The following GBE1 variants were observed in gnomAD, a reference collection of about 807,000 sequenced individuals.
GBE1 encodes 1,4-alpha-glucan-branching enzyme.
Under a neutral mutation model 88.8 loss-of-function variants are expected in GBE1, and 70 were observed. That is an observed-to-expected ratio of 0.79 (90% CI 0.65 to 0.96). The LOEUF (loss-of-function observed/expected upper bound fraction) is 0.96, where lower values mean the gene tolerates loss of function less well. Among genes scored for constraint, GBE1 ranks in the 40% least tolerant of loss-of-function variants. GBE1 has a pLI of 0.00. For synonymous variants in GBE1, 284 were observed against 300.1 expected (o/e 0.95, Z 0.56); for missense variants, 872 against 871.0 (o/e 1.00, Z -0.01).
intron 3 of GBE1, among the ~76,000 whole-genome samples, chr3:81,667,917 T>G (rs1705136190): frequency 6.6e-6 from 1 of 152,176 alleles, no homozygotes; most frequent in Non-Finnish European, 1.5e-5. Flanking sequence ...AGACACATGG[T>G]CATATATGTT....
At chr3:81,568,700 T>A (rs1703530799) in intron 12 of GBE1, among the ~76,000 whole-genome samples, 1 of 152,198 alleles carries the variant, frequency 6.6e-6, no homozygotes, top group South Asian at 2.1e-4. Context: ...TAAGGATTGT[T>A]CTTAAAAGGT....
At chr3:81,513,521 G>A (rs1393193028) in intron 14 of GBE1, among the ~76,000 whole-genome samples, 1 of 150,510 alleles carries the variant, frequency 6.6e-6, no homozygotes, top group Non-Finnish European at 1.5e-5. Flanking sequence ...ATATATCCTC[G>A]TTTTGTCTTC....
intron 12 of GBE1, among the ~76,000 whole-genome samples, chr3:81,541,145 G>C (rs2372908): frequency 0.66 from 100,034 of 151,728 alleles, 34,977 homozygotes; most frequent in East Asian, 0.92. Flanking sequence ...TTTGCTTGCT[G>C]TTAGTATCTT....
chr3:81,587,368 C>T (rs1465412360), intron 9 of GBE1, among the ~76,000 whole-genome samples: 1 of 152,122 alleles, frequency 6.6e-6, no homozygotes, highest in African/African-American at 2.4e-5. Flanking sequence ...ACCACAACCA[C>T]AATCTTATTT....
At chr3:81,684,864 G>A (rs192074099) in intron 2 of GBE1, among the ~76,000 whole-genome samples, 15 of 152,266 alleles carry the variant, frequency 9.9e-5, no homozygotes, top group African/African-American at 3.4e-4. Flanking sequence ...TGTGAAAACA[G>A]AGGATCCCCT....
intron 7 of GBE1, among the ~76,000 whole-genome samples, chr3:81,618,218 C>G (rs1272900552): frequency 6.6e-6 from 1 of 152,030 alleles, no homozygotes; most frequent in African/African-American, 2.4e-5. Context: ...ATTTGATCAT[C>G]ATTCTAGAAG....
intron 12 of GBE1, among the ~76,000 whole-genome samples, chr3:81,544,365 T>C (rs1703178734): frequency 6.6e-6 from 1 of 152,116 alleles, no homozygotes; most frequent in Non-Finnish European, 1.5e-5. Flanking sequence ...CATCAAAGCA[T>C]GATCGTTCTG....
chr3:81,502,017 A>C (rs1438079073), intron 14 of GBE1, among the ~76,000 whole-genome samples: 1 of 147,266 alleles, frequency 6.8e-6, no homozygotes, highest in Non-Finnish European at 1.5e-5. Context: ...TTTTTCTCTT[A>C]ATAAAGGAGA....
chr3:81,563,253 A>C (rs184431146), intron 12 of GBE1, among the ~76,000 whole-genome samples: 72 of 152,276 alleles, frequency 4.7e-4, no homozygotes, highest in African/African-American at 1.7e-3. Context: ...AAAGTGTGCT[A>C]AGTGGCTGTG....
At position 81,642,935 on chromosome 3, in the gene GBE1, C is replaced by A; in HGVS notation, c.838G>T (p.Gly280Cys). The A allele has an allele frequency of 6.2e-7, 1 of 1,612,836 alleles. No homozygotes were observed. The highest frequency in any genetic ancestry group is 8.5e-7 in the Non-Finnish European group (1 of 1,179,276). Residue 280 changes from glycine (G) to cysteine (C), a missense_variant, in exon 7 of 16, where the codon GGT becomes TGT. By Grantham distance (159) the Gly-to-Cys change is radical. Coordinates refer to ENST00000429644, the MANE Select transcript of GBE1 (RefSeq NM_000158.4). ...QELVDTAHSMGIIVLLDVVHS... is the reference protein window; with the variant it reads ...QELVDTAHSMCIIVLLDVVHS... ...ACCACATCTAAGAGGACTATGATACCCATGGAATGAGCTGTGTCTACCAGT... is the reference window on the plus strand; with the variant it reads ...ACCACATCTAAGAGGACTATGATACACATGGAATGAGCTGTGTCTACCAGT...
chr3:81,703,232 T>C (rs1339687316), intron 2 of GBE1, among the ~76,000 whole-genome samples: 1 of 152,034 alleles, frequency 6.6e-6, no homozygotes, highest in Non-Finnish European at 1.5e-5. Flanking sequence ...ATTGTGTTTA[T>C]GTAAAAGAAA....
intron 12 of GBE1, among the ~76,000 whole-genome samples, chr3:81,556,492 G>T (rs1703350513): frequency 2.0e-5 from 3 of 151,936 alleles, no homozygotes. Context: ...CAGGTATTTG[G>T]GGGTAACGAG....
intron 2 of GBE1, among the ~76,000 whole-genome samples, chr3:81,702,423 T>TA (rs1012603816): frequency 5.3e-5 from 8 of 151,954 alleles, no homozygotes; most frequent in Non-Finnish European, 1.5e-5. Context: ...ACTTTGGACA[T>TA]AAAAAAGACA....
At chr3:81,738,509 G>T (rs923476989) in intron 1 of GBE1, among the ~76,000 whole-genome samples, 3 of 151,232 alleles carry the variant, frequency 2.0e-5, no homozygotes, top group South Asian at 2.1e-4. Flanking sequence ...GCCAGTGATG[G>T]TGAGCAAAAA....
chr3:81,690,697 C>T (rs1199897064), intron 2 of GBE1, among the ~76,000 whole-genome samples: 14 of 152,120 alleles, frequency 9.2e-5, no homozygotes, highest in Admixed American at 9.2e-4. Flanking sequence ...CGGAAATCCT[C>T]TTTTTTGCTG....
At chr3:81,604,686 A>G (rs527517728) in intron 7 of GBE1, among the ~76,000 whole-genome samples, 29 of 152,304 alleles carry the variant, frequency 1.9e-4, no homozygotes, top group Admixed American at 4.6e-4. Flanking sequence ...AGAACAACAA[A>G]ACTCTTTACT....
intron 10 of GBE1, among the ~76,000 whole-genome samples, chr3:81,585,646 T>C (rs1035876336): frequency 1.3e-5 from 2 of 152,204 alleles, no homozygotes; most frequent in African/African-American, 4.8e-5. Context: ...TTTTTAATGT[T>C]GAATAAAGGA....
chr3:81,715,120 G>C (rs982481205), intron 1 of GBE1, among the ~76,000 whole-genome samples: 1 of 152,072 alleles, frequency 6.6e-6, no homozygotes, highest in Admixed American at 6.6e-5. Flanking sequence ...GACCATTACG[G>C]GACAGAAAAT....
At chr3:81,650,113 C>A in intron 3 of GBE1, 192 bp from the exon 4 acceptor site, 1 of 419,334 alleles carries the variant, frequency 2.4e-6, no homozygotes, top group Non-Finnish European at 4.2e-6. Context: ...ACTATATCAT[C>A]CTTAAAGTAA....
Sources: allele counts gnomAD v4.1 joint callset (sites outside exome capture counted in the v4.1 genomes callset), GRCh38; gene constraint gnomAD v4.1.1; transcripts MANE v1.5; gene names NCBI Gene and HGNC (gene_info 2026-07-23, HGNC 2026-07-21).